Variants in ITFG1 observed in about 807,000 individuals in gnomAD.
ITFG1 encodes the protein integrin alpha FG-GAP repeat containing 1.
In ITFG1, 34 loss-of-function variants were observed where a neutral mutation model predicts 81.8. That is an observed-to-expected ratio of 0.42 (90% CI 0.32 to 0.55). The LOEUF (loss-of-function observed/expected upper bound fraction) is 0.55. Ranked by LOEUF, ITFG1 falls within the 20% of genes least tolerant of loss-of-function variation. The pLI is 0.17. For missense variants in ITFG1, 672 were observed against 755.4 expected (o/e 0.89, Z 1.29); for synonymous variants, 285 against 270.6 (o/e 1.05, Z -0.52).
At chr16:47,233,002 A>G (rs1459877077) in intron 13 of ITFG1, among the ~76,000 whole-genome samples, 7 of 152,224 alleles carry the variant, frequency 4.6e-5, no homozygotes, top group Non-Finnish European at 5.9e-5. Context: ...AAAAGTTAAA[A>G]AAATCAAGAT....
Position 47,307,091 on chromosome 16 carries a change from C to A in ITFG1, c.1070+4149G>T, listed in dbSNP as rs557117721. 1.7e-3 allele frequency among the ~76,000 whole-genome samples: 4 copies of A among 2,368 alleles called. 1 individual carries two copies. The South Asian group carries it at 0.043, about 26-fold the overall frequency. The allele number at this position is 2,368 out of a possible 152,430, so 1.6% of individuals were successfully genotyped here. ...CCTGGGTGACAGAGCAAAACTCCGT[C>A]TCAAAAAAAAAAAAAAAAAAAAAAA... is the stretch of plus-strand genomic sequence containing the variant. On this transcript the variant is annotated intron_variant, in intron 10 of 17. Transcript: ENST00000320640.
rs1027967512 is a variant in ITFG1, at chr16:47,414,874, T to C, written c.655+13930A>G. Among the ~76,000 whole-genome samples, 7 of 152,336 alleles carry C rather than the reference T, an allele frequency of 4.6e-5. No individual in the cohort carries two copies. The South Asian group carries it at 1.0e-3, about 23-fold the overall frequency. Reference sequence around the variant, plus strand: ...GTTCATAGCCTTCTGTTTTTACCACTATAAGTTCACCTTATTGAAGCTTAG... The same window carrying C: ...GTTCATAGCCTTCTGTTTTTACCACCATAAGTTCACCTTATTGAAGCTTAG... On this transcript the variant is annotated intron_variant, in intron 6 of 17. Coordinates refer to ENST00000320640, the MANE Select transcript of ITFG1 (RefSeq NM_030790.5).
intron 9 of ITFG1, 38 bp downstream of exon 9, chr16:47,313,691 T>TAA (rs201910140): frequency 4.5e-6 from 5 of 1,123,076 alleles, no homozygotes; most frequent in African/African-American, 1.6e-5. Flanking sequence ...TCCAAGCACA[T>TAA]AAAAAAAAAT....
intron 14 of ITFG1, among the ~76,000 whole-genome samples, chr16:47,172,380 C>T (rs193261259): frequency 3.3e-5 from 5 of 152,166 alleles, no homozygotes; most frequent in South Asian, 2.1e-4. Context: ...CCCAACTACT[C>T]GGGAGGCTGT....
intron 12 of ITFG1, among the ~76,000 whole-genome samples, chr16:47,257,900 G>C (rs186352711): frequency 2.2e-4 from 34 of 152,316 alleles, no homozygotes; most frequent in African/African-American, 8.2e-4. Context: ...TTGGGACAAG[G>C]GGGGTACAAG....
At chr16:47,313,468 C>T (rs564746503) in intron 9 of ITFG1, among the ~76,000 whole-genome samples, 1 of 152,194 alleles carries the variant, frequency 6.6e-6, no homozygotes, top group South Asian at 2.1e-4. Context: ...ATATTCCTGG[C>T]ATATAAAAAG....
At chr16:47,181,097 C>T (rs1008066646) in intron 14 of ITFG1, among the ~76,000 whole-genome samples, 4 of 151,116 alleles carry the variant, frequency 2.6e-5, no homozygotes, top group East Asian at 2.0e-4. Context: ...AAGTGAGGAG[C>T]GTCTCTGCCC....
intron 10 of ITFG1, among the ~76,000 whole-genome samples, chr16:47,307,588 A>G (rs1015154833): frequency 1.3e-5 from 2 of 152,200 alleles, no homozygotes; most frequent in Non-Finnish European, 2.9e-5. Context: ...TTCAATAATG[A>G]CACAGAATGA....
At chr16:47,440,627 T>C (rs1006411452) in intron 5 of ITFG1, among the ~76,000 whole-genome samples, 2 of 152,160 alleles carry the variant, frequency 1.3e-5, no homozygotes, top group Non-Finnish European at 2.9e-5. Flanking sequence ...AAAGATGTTC[T>C]TCGAAACCAA....
intron 6 of ITFG1, among the ~76,000 whole-genome samples, chr16:47,428,381 T>C (rs1352006514): frequency 6.6e-6 from 1 of 152,198 alleles, no homozygotes; most frequent in Non-Finnish European, 1.5e-5. Flanking sequence ...TAATATTCTG[T>C]CCAATTTTCT....
At chr16:47,383,193 G>T (rs1451994907) in intron 6 of ITFG1, among the ~76,000 whole-genome samples, 1 of 152,124 alleles carries the variant, frequency 6.6e-6, no homozygotes, top group South Asian at 2.1e-4. Context: ...AGAAGGTAAA[G>T]AAGTCAACAG....
intron 14 of ITFG1, among the ~76,000 whole-genome samples, chr16:47,181,747 A>G (rs1468638982): frequency 3.3e-5 from 5 of 151,956 alleles, no homozygotes; most frequent in Non-Finnish European, 7.4e-5. Flanking sequence ...GTAAAGGGGG[A>G]AAGGTGGGGA....
intron 10 of ITFG1, among the ~76,000 whole-genome samples, chr16:47,301,685 C>T (rs574934953): frequency 1.1e-4 from 16 of 152,174 alleles, no homozygotes; most frequent in Non-Finnish European, 1.2e-4. Flanking sequence ...CGTGAGCCAT[C>T]GTGCCCAGCT....
chr16:47,384,677 G>A (rs1379050960), intron 6 of ITFG1, among the ~76,000 whole-genome samples: 1 of 152,180 alleles, frequency 6.6e-6, no homozygotes, highest in African/African-American at 2.4e-5. Flanking sequence ...AAAATGATGT[G>A]AAAGAATGAT....
intron 6 of ITFG1, among the ~76,000 whole-genome samples, chr16:47,418,009 C>A (rs1968895140): frequency 1.3e-5 from 2 of 152,046 alleles, no homozygotes; most frequent in Non-Finnish European, 2.9e-5. Context: ...TATAAGTGTT[C>A]TCATTTCTCT....
In ITFG1 at chr16:47,185,857, C is replaced by T. The variant is rs1020451672; in HGVS notation, c.1454-23193G>A. 1.1e-4 allele frequency among the ~76,000 whole-genome samples: 17 copies of T among 152,012 alleles called. No homozygotes were observed. In the East Asian group the frequency reaches 1.2e-3, roughly 10 times the overall value. On this transcript the variant is annotated intron_variant, in intron 14 of 17. Transcript: ENST00000320640. ...GAAAAGATCAACAAAACTGATAGAC[C>T]GCTAGCAAGACTAATAAAGAAGAAA...
intron 10 of ITFG1, among the ~76,000 whole-genome samples, chr16:47,271,206 G>C (rs1253078937): frequency 6.6e-6 from 1 of 151,920 alleles, no homozygotes; most frequent in African/African-American, 2.4e-5. Flanking sequence ...GAAAATTTTT[G>C]AAATCTCATA....
At chr16:47,188,506 T>C (rs1298211990) in intron 14 of ITFG1, among the ~76,000 whole-genome samples, 5 of 149,184 alleles carry the variant, frequency 3.4e-5, no homozygotes, top group Non-Finnish European at 7.4e-5. Flanking sequence ...AGTAAACTAT[T>C]GCAAGAACAA....
intron 14 of ITFG1, among the ~76,000 whole-genome samples, chr16:47,167,852 TTTTGGCTATTATGAACTA>T (rs1436431188): frequency 6.6e-6 from 1 of 152,250 alleles, no homozygotes; most frequent in East Asian, 1.9e-4. Flanking sequence ...GTTTAGTACC[TTTTGGCTATTATGAACTA>T]TTTGGCTATT....
Sources: allele counts gnomAD v4.1 joint callset (sites outside exome capture counted in the v4.1 genomes callset), GRCh38; gene constraint gnomAD v4.1.1; transcripts MANE v1.5; gene names NCBI Gene and HGNC (gene_info 2026-07-23, HGNC 2026-07-21).